RDH11: variants seen among roughly 807,000 people sequenced by gnomAD.
RDH11 encodes the protein retinol dehydrogenase 11.
A neutral mutation model predicts 33.4 loss-of-function variants in RDH11; 19 were observed. The ratio of observed to expected loss-of-function variants is 0.57; its 90% CI spans 0.40 to 0.83. The LOEUF (loss-of-function observed/expected upper bound fraction) is 0.83, where lower values mean the gene tolerates loss of function less well. RDH11 is among the 40% of genes least tolerant of loss of function. The pLI is 0.00. For synonymous variants in RDH11, 154 were observed against 155.3 expected, an observed-to-expected ratio of 0.99 and a Z score of 0.06; for missense variants, 353 against 389.0, an observed-to-expected ratio of 0.91 and a Z score of 0.78.
chr14:67,695,621 T>C lies in RDH11; in HGVS notation c.74+9A>G. 1 of 1,612,654 alleles carries C rather than the reference T, an allele frequency of 6.2e-7. No individual in the cohort carries two copies. Among genetic ancestry groups the C allele is most frequent in the Admixed American group, 1.7e-5 (1 of 59,744 alleles). ...AATTCTCAAGAGAAGGCAATACATT[T>C]GCACAGACCTGATTTGGGGCGCAGC... On this transcript the variant is annotated intron_variant, in intron 1 of 6. Coordinates refer to ENST00000381346, the MANE Select transcript of RDH11 (RefSeq NM_016026.4).
chr14:67,680,958 AC>A (rs1161845796), intron 6 of RDH11, among the ~76,000 whole-genome samples: 9 of 152,214 alleles, frequency 5.9e-5, no homozygotes, highest in African/African-American at 2.2e-4. Context: ...TGAAACATAA[AC>A]CCTTATATTT....
chr14:67,689,174 C>A (rs2037717798), intron 5 of RDH11, among the ~76,000 whole-genome samples: 1 of 152,202 alleles, frequency 6.6e-6, no homozygotes, highest in South Asian at 2.1e-4. Flanking sequence ...TAAAAGATGT[C>A]ATGCCCTGGG....
intron 2 of RDH11, 76 bp downstream of exon 2, chr14:67,692,858 C>A (rs1050937117): frequency 8.0e-5 from 89 of 1,115,614 alleles, no homozygotes; most frequent in Non-Finnish European, 9.8e-5. Context: ...TGGGAAGAAA[C>A]AATGAGAATG....
intron 2 of RDH11, 96 bp from the exon 3 acceptor site, chr14:67,692,689 C>CA (rs757809546): frequency 5.0e-4 from 696 of 1,401,398 alleles, no homozygotes; most frequent in Non-Finnish European, 6.3e-4. Flanking sequence ...AAAAAACACA[C>CA]ATTTTTACCC....
Position 67,691,174 on chromosome 14 carries a change from A to G in RDH11, c.420T>C (p.Asp140=), listed in dbSNP as rs1214370829. 7 of 1,613,984 alleles carry G rather than the reference A, an allele frequency of 4.3e-6. No homozygotes were observed. The highest frequency in any genetic ancestry group is 2.7e-5 in the African/African-American group (2 of 74,928). Residue 140 remains aspartate, a synonymous_variant, in exon 4 of 7, where the codon GAT becomes GAC. Transcript: ENST00000381346. The part of the protein sequence containing the change: ...VMMCPYSKTA[D]GFEMHIGVNH... ...TGACTCCTATGTGCATCTCAAAGCC[A>G]TCTGCTGTCTTCGAGTACGGACACA...
intron 2 of RDH11, 39 bp downstream of exon 2, chr14:67,692,895 C>T: frequency 1.5e-6 from 2 of 1,332,256 alleles, no homozygotes; most frequent in Non-Finnish European, 2.1e-6. Context: ...AGGGGTAAAA[C>T]AGCAGTAATA....
At chr14:67,695,601 T>G in intron 1 of RDH11, 29 bp downstream of exon 1, 1 of 1,598,210 alleles carries the variant, frequency 6.3e-7, no homozygotes, top group Non-Finnish European at 8.5e-7. Context: ...ACAAGAATTC[T>G]CAAGAGAAGG....
In RDH11 at chr14:67,690,243, G is replaced by A. The variant is rs111880133; in HGVS notation, c.633C>T (p.Leu211=). Reference sequence around the variant, plus strand: ...GTCTCCGGGCCAGTTCCTGGGTGAAGAGGATGTTGGCTAGCTTGCTGTGAC... The same window carrying A: ...GTCTCCGGGCCAGTTCCTGGGTGAAAAGGATGTTGGCTAGCTTGCTGTGAC... The part of the protein sequence containing the change: ...AYCHSKLANI[L]FTQELARRLK... The change falls in exon 5 of 7, where the codon CTC becomes CTT. Residue 211 remains leucine, a synonymous_variant. Transcript: ENST00000381346. 8 of 1,613,892 alleles carry A rather than the reference G, an allele frequency of 5.0e-6. No homozygotes were observed. Among genetic ancestry groups the A allele is most frequent in the South Asian group, 2.2e-5 (2 of 91,060 alleles).
At position 67,678,387 on chromosome 14, in the gene RDH11, A is replaced by G. The variant is rs757197544; in HGVS notation, c.891T>C (p.Arg297=). ...ACAGCCGCCTTGCTATAGTCTCATT[A>G]CGAGCTTGGGCAGAGACCCATGCCA... is the stretch of plus-strand genomic sequence containing the variant. ...CHVAWVSAQA[R]NETIARRLWD... is the part of the protein sequence containing the mutation. Residue 297 remains arginine, a synonymous_variant, in exon 7 of 7, where the codon CGT becomes CGC. Coordinates refer to ENST00000381346, the MANE Select transcript of RDH11 (RefSeq NM_016026.4). The G allele has an allele frequency of 5.0e-6, 8 of 1,614,054 alleles. No individual in the cohort carries two copies. In the Admixed American group the frequency reaches 1.3e-4, roughly 27 times the overall value.
In RDH11 at chr14:67,689,842, GC is replaced by G. The variant is rs554556436; in HGVS notation, c.664+369del. Among the ~76,000 whole-genome samples the G allele has an allele frequency of 3.3e-5, 5 of 152,200 alleles. No individual in the cohort carries two copies. In the South Asian group the frequency reaches 1.0e-3, roughly 32 times the overall value. ...ACCTGTAGTCCCAGCTACTCAGGAG[GC>G]TGAGGCAGGAGAATCACTTGAACCT... On this transcript the variant is annotated intron_variant, in intron 5 of 6. Coordinates refer to ENST00000381346, the MANE Select transcript of RDH11 (RefSeq NM_016026.4).
intron 5 of RDH11, among the ~76,000 whole-genome samples, chr14:67,689,379 G>A (rs944744389): frequency 6.6e-6 from 1 of 152,190 alleles, no homozygotes; most frequent in Non-Finnish European, 1.5e-5. Context: ...AGAGTAGACA[G>A]TGCTAAGGAC....
In RDH11 at chr14:67,690,352, A is replaced by G. The variant is rs1307125133; in HGVS notation, c.524T>C (p.Val175Ala). The G allele has an allele frequency of 1.2e-5, 19 of 1,614,214 alleles. No individual in the cohort carries two copies. The highest frequency in any genetic ancestry group is 1.6e-5 in the Non-Finnish European group (19 of 1,180,026). The change falls in exon 5 of 7, where the codon GTG becomes GCG. Residue 175 changes from valine (V) to alanine (A), a missense_variant. Val to Ala is a moderately conservative substitution (Grantham distance 64). Coordinates refer to ENST00000381346, the MANE Select transcript of RDH11 (RefSeq NM_016026.4). Reference protein sequence around the residue: ...KESAPSRIVNVSSLAHHLGRI... With the variant: ...KESAPSRIVNASSLAHHLGRI... ...TCCCAGGTGATGTGCGAGGGAAGAC[A>G]CATTTACTATCCTTGATGGGGCTGA...
chr14:67,690,197 T>C lies in RDH11; in HGVS notation c.664+15A>G, dbSNP rs1243817937. 2 of 1,609,794 alleles carry C rather than the reference T, an allele frequency of 1.2e-6. No homozygotes were observed. Among genetic ancestry groups the C allele is most frequent in the Non-Finnish European group, 1.7e-6 (2 of 1,177,616 alleles). ...CTCTGACTCATGTCTCCACATTCAT[T>C]TCCTCTAGGCCCACCTTTTAGTCTC... On this transcript the variant is annotated intron_variant, in intron 5 of 6. Coordinates refer to ENST00000381346, the MANE Select transcript of RDH11 (RefSeq NM_016026.4).
At chr14:67,689,107 T>A (rs1032825323) in intron 5 of RDH11, among the ~76,000 whole-genome samples, 29 of 152,224 alleles carry the variant, frequency 1.9e-4, no homozygotes, top group African/African-American at 6.8e-4. Context: ...CCTAGCTCCC[T>A]GATCAACTCT....
At chr14:67,687,504 CTT>C (rs936414982) in intron 5 of RDH11, among the ~76,000 whole-genome samples, 1 of 116,548 alleles carries the variant, frequency 8.6e-6, no homozygotes, top group Admixed American at 1.1e-4. Context: ...GAGTTTCACT[CTT>C]GTTTGCCCAG....
rs371804454 is a variant in RDH11 at position 67,695,726 on chromosome 14, A to G, written c.-23T>C. ...CATCTCTGCCGGCTGCAGCGGCACCAGAGCGGGATGCTCCAGCGTTGCTCG... is the reference window on the plus strand; with the variant it reads ...CATCTCTGCCGGCTGCAGCGGCACCGGAGCGGGATGCTCCAGCGTTGCTCG... On this transcript the variant is annotated 5_prime_UTR_variant, in exon 1 of 7. Coordinates refer to ENST00000381346, the MANE Select transcript of RDH11 (RefSeq NM_016026.4). 12 of 1,611,538 alleles carry G rather than the reference A, an allele frequency of 7.4e-6. No homozygotes were observed. The African/African-American group carries it at 1.2e-4, about 16-fold the overall frequency.
chr14:67,690,834 T>C, intron 4 of RDH11: 2 of 388,112 alleles, frequency 5.2e-6, no homozygotes, highest in Non-Finnish European at 4.7e-6. Flanking sequence ...AAAGAGCAGA[T>C]GACCTATACC....
At chr14:67,681,764 AAAT>A (rs1365649428) in intron 6 of RDH11, among the ~76,000 whole-genome samples, 1 of 152,240 alleles carries the variant, frequency 6.6e-6, no homozygotes, top group Admixed American at 6.5e-5. Context: ...CGTCTCAAAA[AAAT>A]AATAATTATA....
intron 6 of RDH11, among the ~76,000 whole-genome samples, chr14:67,681,734 T>C (rs2037618738): frequency 6.6e-6 from 1 of 152,042 alleles, no homozygotes; most frequent in Non-Finnish European, 1.5e-5. Flanking sequence ...GTGAGCAGCC[T>C]GGGTCACAGA....
Sources: allele counts gnomAD v4.1 joint callset (sites outside exome capture counted in the v4.1 genomes callset), GRCh38; gene constraint gnomAD v4.1.1; transcripts MANE v1.5; gene names NCBI Gene and HGNC (gene_info 2026-07-23, HGNC 2026-07-21).